Variants in P4HA1 observed in about 807,000 individuals in gnomAD.
P4HA1 encodes the protein prolyl 4-hydroxylase subunit alpha 1, also known as prolyl 4-hydroxylase subunit alpha-1.
P4HA1 carries 24 observed loss-of-function variants against 72.8 expected under a neutral mutation model. The observed-to-expected ratio is 0.33, with a 90% confidence interval of 0.24 to 0.46. P4HA1 has a LOEUF of 0.46. Ranked by LOEUF, P4HA1 falls within the 20% of genes least tolerant of loss-of-function variation. The pLI, the probability that P4HA1 is intolerant of heterozygous loss-of-function variation, is 1.00. For missense variants in P4HA1, 446 were observed against 640.6 expected, an observed-to-expected ratio of 0.70 and a Z score of 3.28; for synonymous variants, 201 against 218.8, an observed-to-expected ratio of 0.92 and a Z score of 0.72.
At chr10:73,051,015 A>G in intron 7 of P4HA1, 38 bp downstream of exon 7, 1 of 1,417,022 alleles carries the variant, frequency 7.1e-7, no homozygotes, top group South Asian at 1.2e-5. Context: ...ACATACACAC[A>G]CACATTCACA....
chr10:73,060,303 GAACAA>G, intron 5 of P4HA1, among the ~76,000 whole-genome samples: 1 of 152,258 alleles, frequency 6.6e-6, no homozygotes, highest in African/African-American at 2.4e-5. Context: ...TTTTCAATTT[GAACAA>G]TATGAACTTA....
At chr10:73,015,454 T>C (rs1839991270) in intron 11 of P4HA1, among the ~76,000 whole-genome samples, 1 of 152,182 alleles carries the variant, frequency 6.6e-6, no homozygotes, top group Non-Finnish European at 1.5e-5. Context: ...AGTGCTAACA[T>C]GACACAAGTG....
At chr10:73,080,056 T>C (rs1023548736) in intron 1 of P4HA1, among the ~76,000 whole-genome samples, 1 of 152,208 alleles carries the variant, frequency 6.6e-6, no homozygotes, top group South Asian at 2.1e-4. Flanking sequence ...GACAAAGTCA[T>C]ACAGAGACAA....
chr10:73,074,973 G>C, intron 1 of P4HA1, 58 bp from the exon 2 acceptor site: 2 of 638,628 alleles, frequency 3.1e-6, no homozygotes, highest in Non-Finnish European at 5.6e-6. Context: ...AGAAGGAAAA[G>C]TTCCTTATCT....
intron 1 of P4HA1, 23 bp downstream of exon 1, chr10:73,096,743 C>G (rs1842177939): frequency 6.5e-6 from 1 of 153,446 alleles, no homozygotes; most frequent in Admixed American, 6.5e-5. Context: ...GCCTCAGTCT[C>G]CGGGATCGAG....
At position 73,046,914 on chromosome 10, in the gene P4HA1, A is replaced by G; in HGVS notation, c.1077+11T>C. ...AGTAAATTGAGGAGAAAGAAAGAAAACATTATTTACCCTTGGTTTTGCTAG... is the reference window on the plus strand; with the variant it reads ...AGTAAATTGAGGAGAAAGAAAGAAAGCATTATTTACCCTTGGTTTTGCTAG... On this transcript the variant is annotated intron_variant, in intron 8 of 14. Transcript: ENST00000394890. 2 of 1,569,984 alleles carry G rather than the reference A, an allele frequency of 1.3e-6. No individual in the cohort carries two copies. The highest frequency in any genetic ancestry group is 1.7e-6 in the Non-Finnish European group (2 of 1,150,128).
intron 10 of P4HA1, among the ~76,000 whole-genome samples, chr10:73,025,758 A>T (rs973959254): frequency 9.8e-5 from 15 of 152,364 alleles, no homozygotes; most frequent in East Asian, 7.7e-4. Context: ...AAGCAACTTC[A>T]GCAAAGTCTC....
chr10:73,048,079 T>C (rs373206237), intron 7 of P4HA1, among the ~76,000 whole-genome samples: 1 of 152,124 alleles, frequency 6.6e-6, no homozygotes, highest in South Asian at 2.1e-4. Context: ...CAAAAACAAG[T>C]ATGTCACATA....
chr10:73,023,475 T>C (rs1210831633), intron 10 of P4HA1, among the ~76,000 whole-genome samples: 1 of 152,092 alleles, frequency 6.6e-6, no homozygotes, highest in African/African-American at 2.4e-5. Flanking sequence ...CAGGCCTGTC[T>C]TACAAGAGCT....
chr10:73,013,892 T>G (rs1839961024), intron 12 of P4HA1, among the ~76,000 whole-genome samples: 1 of 152,146 alleles, frequency 6.6e-6, no homozygotes, highest in Non-Finnish European at 1.5e-5. Context: ...AAATAATGTG[T>G]ATGTGTATGT....
intron 5 of P4HA1, among the ~76,000 whole-genome samples, chr10:73,059,026 C>T (rs1262710662): frequency 3.3e-5 from 5 of 152,068 alleles, no homozygotes; most frequent in Non-Finnish European, 7.4e-5. Flanking sequence ...GATCCACCCA[C>T]CTTGGCCTCT....
At chr10:73,068,701 G>A (rs1841482193) in intron 5 of P4HA1, 145 bp downstream of exon 5, 2 of 628,286 alleles carry the variant, frequency 3.2e-6, no homozygotes, top group Non-Finnish European at 5.5e-6. Flanking sequence ...GAAAGGGAAG[G>A]TGATTCTTTA....
intron 5 of P4HA1, among the ~76,000 whole-genome samples, chr10:73,066,196 A>AT (rs1361870469): frequency 6.6e-6 from 1 of 152,172 alleles, no homozygotes; most frequent in East Asian, 1.9e-4. Flanking sequence ...TCATGCTATT[A>AT]TTTTTACCAC....
intron 9 of P4HA1, among the ~76,000 whole-genome samples, chr10:73,041,575 C>T (rs1840738236): frequency 6.6e-6 from 1 of 151,264 alleles, no homozygotes; most frequent in Non-Finnish European, 1.5e-5. Flanking sequence ...AATTCTCTGA[C>T]CTTCCTCTAA....
At chr10:73,051,342 T>G in intron 6 of P4HA1, 93 bp from the exon 7 acceptor site, 2 of 690,016 alleles carry the variant, frequency 2.9e-6, no homozygotes, top group Non-Finnish European at 4.8e-6. Flanking sequence ...ACATTATAAT[T>G]TATCTTCCAA....
At chr10:73,057,618 A>G (rs1329732494) in intron 5 of P4HA1, among the ~76,000 whole-genome samples, 1 of 152,236 alleles carries the variant, frequency 6.6e-6, no homozygotes, top group Non-Finnish European at 1.5e-5. Flanking sequence ...ATAATGGTAG[A>G]AAAATTTCCA....
chr10:73,077,269 T>TA (rs1344458251), intron 1 of P4HA1, among the ~76,000 whole-genome samples: 1 of 152,280 alleles, frequency 6.6e-6, no homozygotes, highest in Non-Finnish European at 1.5e-5. Context: ...TTTTCACTGT[T>TA]AACAGAAGGC....
intron 10 of P4HA1, among the ~76,000 whole-genome samples, chr10:73,021,194 G>C (rs1296992491): frequency 1.3e-5 from 2 of 151,928 alleles, no homozygotes; most frequent in African/African-American, 2.4e-5. Flanking sequence ...GAAGAGAAAG[G>C]GGCATGCTCA....
intron 1 of P4HA1, among the ~76,000 whole-genome samples, chr10:73,091,533 T>C (rs932800632): frequency 2.0e-5 from 3 of 152,244 alleles, no homozygotes; most frequent in Admixed American, 2.0e-4. Flanking sequence ...AATATAAGAT[T>C]AGAACTGTAA....
Sources: allele counts gnomAD v4.1 joint callset (sites outside exome capture counted in the v4.1 genomes callset), GRCh38; gene constraint gnomAD v4.1.1; transcripts MANE v1.5; gene names NCBI Gene and HGNC (gene_info 2026-07-23, HGNC 2026-07-21).